ITPK1: variants seen among roughly 807,000 people sequenced by gnomAD.
The protein encoded by ITPK1 is inositol 1,3,4-trisphosphate 5/6-kinase.
ITPK1 carries 21 observed loss-of-function variants against 45.3 expected under a neutral mutation model. The ratio of observed to expected loss-of-function variants is 0.46; its 90% CI spans 0.33 to 0.67. ITPK1 has a LOEUF of 0.67. ITPK1 is among the 30% of genes least tolerant of loss of function. The pLI, the probability that ITPK1 is intolerant of heterozygous loss-of-function variation, is 0.02. For synonymous variants in ITPK1, 258 were observed against 253.6 expected (o/e 1.02, Z -0.16); for missense variants, 474 against 573.5 (o/e 0.83, Z 1.77).
intron 4 of ITPK1, among the ~76,000 whole-genome samples, chr14:93,013,780 T>A (rs928240335): frequency 2.0e-5 from 3 of 152,130 alleles, no homozygotes; most frequent in African/African-American, 7.2e-5. Flanking sequence ...GAGAATAAAA[T>A]TTAAAACAAA....
chr14:93,063,217 G>A lies in ITPK1; in HGVS notation c.120+13378C>T, dbSNP rs534537967. Among the ~76,000 whole-genome samples the A allele has an allele frequency of 2.0e-5, 3 of 152,272 alleles. No individual in the cohort carries two copies. The highest frequency in any genetic ancestry group is 4.1e-4 in the South Asian group (2 of 4,820). ...CTTATTTCTACTTGGCAGGGCCTGCGGCAAAAATACTGCCTGGGCAAGGAA... is the reference window on the plus strand; with the variant it reads ...CTTATTTCTACTTGGCAGGGCCTGCAGCAAAAATACTGCCTGGGCAAGGAA... On this transcript the variant is annotated intron_variant, in intron 3 of 10. Transcript: ENST00000267615. This position sits in a 1 kb window ranked among gnomAD's most constrained non-coding sequence, Gnocchi z 4.3.
chr14:92,959,380 T>C (rs766799994), intron 7 of ITPK1, among the ~76,000 whole-genome samples: 3 of 152,194 alleles, frequency 2.0e-5, no homozygotes, highest in Non-Finnish European at 2.9e-5. Flanking sequence ...CCACCCCTTG[T>C]GTCAGCTGTC....
At chr14:93,113,258 T>C (rs915972406) in intron 2 of ITPK1, among the ~76,000 whole-genome samples, 1 of 152,206 alleles carries the variant, frequency 6.6e-6, no homozygotes, top group African/African-American at 2.4e-5. Flanking sequence ...TAGCATAGCT[T>C]GCTCTGAACC....
chr14:93,077,104 C>T (rs897831471), intron 2 of ITPK1, among the ~76,000 whole-genome samples: 1 of 152,234 alleles, frequency 6.6e-6, no homozygotes, highest in African/African-American at 2.4e-5. Context: ...GTCCTGCCCG[C>T]TGCCTTCCCA....
Position 92,940,448 on chromosome 14 carries a change from G to A in ITPK1, c.*1113C>T, listed in dbSNP as rs1399901675. The A allele has an allele frequency of 2.7e-6, 3 of 1,118,680 alleles. No individual in the cohort carries two copies. The African/African-American group carries it at 5.0e-5, about 19-fold the overall frequency. 69.3% of individuals were successfully genotyped at this position (1,118,680 alleles called of 1,614,324 possible). A position where few individuals can be genotyped will look rare whatever the true frequency, so the allele number is the denominator to read the frequency against. On this transcript the variant is annotated 3_prime_UTR_variant, in exon 11 of 11. Coordinates refer to ENST00000267615, the MANE Select transcript of ITPK1 (RefSeq NM_014216.6). ...GAGTCTGAGGTGTGCAGAAGCGATG[G>A]GGGGCGGGTGGCTCCCTGGCACCTG...
At chr14:92,984,287 C>A (rs1025858935) in intron 5 of ITPK1, among the ~76,000 whole-genome samples, 1 of 152,156 alleles carries the variant, frequency 6.6e-6, no homozygotes, top group Non-Finnish European at 1.5e-5. Flanking sequence ...CCAGAAGGCA[C>A]CCAGTCAGGG....
chr14:92,958,478 T>G lies in ITPK1; in HGVS notation c.505-112A>C. The G allele has an allele frequency of 9.5e-7, 1 of 1,057,140 alleles. No homozygotes were observed. Among genetic ancestry groups the G allele is most frequent in the Non-Finnish European group, 1.4e-6 (1 of 712,860 alleles). The allele number at this position is 1,057,140 out of a possible 1,614,324, so 65.5% of individuals were successfully genotyped here. On this transcript the variant is annotated intron_variant, in intron 7 of 10. Transcript: ENST00000267615. The surrounding 1 kb of genome is among the most constrained non-coding windows in gnomAD (Gnocchi z 4.4). ...CTCCACCAAGGCCCATCCCTGGTCC[T>G]GTGGCATGAGGACTCCCCTAGAGGA...
At chr14:92,981,840 G>A (rs1595108238) in intron 5 of ITPK1, among the ~76,000 whole-genome samples, 1 of 152,264 alleles carries the variant, frequency 6.6e-6, no homozygotes, top group African/African-American at 2.4e-5. Context: ...GGCCCACGCA[G>A]GGAAGGGAGT....
intron 4 of ITPK1, among the ~76,000 whole-genome samples, chr14:93,008,790 A>G (rs1887746511): frequency 6.6e-6 from 1 of 152,240 alleles, no homozygotes; most frequent in African/African-American, 2.4e-5. Context: ...ACAAACCAGG[A>G]GGAAACAGAA....
chr14:93,060,926 A>C (rs1890491848), intron 3 of ITPK1, among the ~76,000 whole-genome samples: 1 of 152,226 alleles, frequency 6.6e-6, no homozygotes, highest in Non-Finnish European at 1.5e-5. Context: ...AAAAAGTCCA[A>C]GGCAGAGGGG....
intron 2 of ITPK1, among the ~76,000 whole-genome samples, chr14:93,090,384 G>A (rs1356156214): frequency 6.6e-6 from 1 of 152,194 alleles, no homozygotes. Context: ...AACCCAGGGT[G>A]TTGGAAAGGG....
chr14:92,943,583 G>A lies in ITPK1; in HGVS notation c.902-1679C>T, dbSNP rs1386999245. Among the ~76,000 whole-genome samples the A allele has an allele frequency of 4.6e-5, 7 of 152,228 alleles. 1 individual carries two copies. Among genetic ancestry groups the A allele is most frequent in the Admixed American group, 3.9e-4 (6 of 15,288 alleles). On this transcript the variant is annotated intron_variant, in intron 10 of 10. Transcript: ENST00000267615. ...GAGCTCCACCATCAGGTCAGCGCCA[G>A]GGAACAGGGAGCCATTCTCCAGCAA...
Position 93,032,644 on chromosome 14 carries a change from G to A in ITPK1, c.121-15843C>T, listed in dbSNP as rs1359619219. On this transcript the variant is annotated intron_variant, in intron 3 of 10. Transcript: ENST00000267615. This position sits in a 1 kb window ranked among gnomAD's most constrained non-coding sequence, Gnocchi z 4.0. Reference sequence around the variant, plus strand: ...ATCTGACCTGCCCCACCCTCAATGGGAGGAAGTCCCCCAGGGACCACATAC... The same window carrying A: ...ATCTGACCTGCCCCACCCTCAATGGAAGGAAGTCCCCCAGGGACCACATAC... Among the ~76,000 whole-genome samples, 4 of 152,194 alleles carry A rather than the reference G, an allele frequency of 2.6e-5. No individual in the cohort carries two copies. The highest frequency in any genetic ancestry group is 6.5e-5 in the Admixed American group (1 of 15,282).
rs762113213 is a variant in ITPK1, at chr14:93,115,283, G to A, written c.-120C>T. ...CCCGGCGGCGGGGACGCGGAACGGG[G>A]ATCGGAGCTGGGGCGCGCAGTCCTG... On this transcript the variant is annotated 5_prime_UTR_variant, in exon 2 of 11. Transcript: ENST00000267615. 1 of 630,768 alleles carries A rather than the reference G, an allele frequency of 1.6e-6. No homozygotes were observed. The highest frequency in any genetic ancestry group is 1.8e-5 in the South Asian group (1 of 54,850). The allele number at this position is 630,768 out of a possible 1,614,324, so 39.1% of individuals were successfully genotyped here.
chr14:93,003,423 T>A (rs557925256), intron 4 of ITPK1, among the ~76,000 whole-genome samples: 4 of 152,092 alleles, frequency 2.6e-5, no homozygotes, highest in South Asian at 4.1e-4. Flanking sequence ...ACCTGCCTGT[T>A]GATTACAGCT....
intron 3 of ITPK1, among the ~76,000 whole-genome samples, chr14:93,055,089 T>G (rs950538670): frequency 3.3e-5 from 5 of 152,188 alleles, no homozygotes; most frequent in Non-Finnish European, 7.3e-5. Context: ...CCTCTGCACC[T>G]GGCATCTTTG....
intron 8 of ITPK1, among the ~76,000 whole-genome samples, chr14:92,956,961 G>A (rs1007890923): frequency 3.9e-5 from 6 of 152,160 alleles, no homozygotes; most frequent in African/African-American, 2.4e-5. Context: ...GGAGCCACAC[G>A]CCCAGCTAGG....
At chr14:92,945,703 C>G (rs1489427263) in intron 10 of ITPK1, among the ~76,000 whole-genome samples, 1 of 152,208 alleles carries the variant, frequency 6.6e-6, no homozygotes, top group Non-Finnish European at 1.5e-5. Context: ...ATGCCCTGTG[C>G]TGGGGCTCTG....
At chr14:93,077,446 T>G (rs183029121) in intron 2 of ITPK1, among the ~76,000 whole-genome samples, 2 of 152,062 alleles carry the variant, frequency 1.3e-5, no homozygotes, top group Admixed American at 6.6e-5. Flanking sequence ...GCCTCCCAAG[T>G]AGCTGGGACT....
Sources: gnomAD v4.1 joint callset for allele counts (sites outside exome capture counted in the v4.1 genomes callset) on GRCh38, gnomAD v4.1.1 for gene constraint, Gnocchi (gnomAD v3.1) non-coding constraint, MANE v1.5 for transcripts, NCBI Gene and HGNC (gene_info 2026-07-23, HGNC 2026-07-21) for gene names.